The following TMEFF2 variants were observed in gnomAD, a reference collection of about 807,000 sequenced individuals.
The protein encoded by TMEFF2 is transmembrane protein with EGF like and two follistatin like domains 2, also known as tomoregulin-2.
Under a neutral mutation model 53.8 loss-of-function variants are expected in TMEFF2, and 28 were observed. That is an observed-to-expected ratio of 0.52 (90% CI 0.39 to 0.71). The LOEUF is 0.71. TMEFF2 is among the 30% of genes least tolerant of loss of function. The probability of loss-of-function intolerance (pLI) is 0.00; values close to 1 mark genes in which losing one functional copy is unlikely to be tolerated. For missense variants in TMEFF2, 353 were observed against 455.2 expected (o/e 0.78, Z 2.04); for synonymous variants, 162 against 166.3 (o/e 0.97, Z 0.20).
intron 4 of TMEFF2, among the ~76,000 whole-genome samples, chr2:192,072,851 C>T (rs1470742376): frequency 6.6e-6 from 1 of 151,812 alleles, no homozygotes; most frequent in East Asian, 1.9e-4. Flanking sequence ...GCATCATATT[C>T]ATTTTTTTCA....
chr2:192,179,760 C>T (rs1278336882), intron 3 of TMEFF2, 66 bp from the exon 4 acceptor site: 3 of 1,429,336 alleles, frequency 2.1e-6, no homozygotes, highest in Non-Finnish European at 1.9e-6. Context: ...TTTTTAAGCT[C>T]AAGTTTATTT....
chr2:192,055,501 G>T (rs771472807), intron 5 of TMEFF2, among the ~76,000 whole-genome samples: 5 of 152,038 alleles, frequency 3.3e-5, no homozygotes, highest in Non-Finnish European at 5.9e-5. Flanking sequence ...TTGGCTGGGC[G>T]TGGTAGCTCA....
intron 4 of TMEFF2, among the ~76,000 whole-genome samples, chr2:192,138,538 A>G (rs1690064152): frequency 6.6e-6 from 1 of 152,236 alleles, no homozygotes; most frequent in South Asian, 2.1e-4. Context: ...TACACATATG[A>G]TGCTGATGTT....
At chr2:192,148,098 T>C (rs1254646760) in intron 4 of TMEFF2, among the ~76,000 whole-genome samples, 1 of 151,984 alleles carries the variant, frequency 6.6e-6, no homozygotes, top group Admixed American at 6.6e-5. Context: ...AATGCTTACA[T>C]TTAGGTTGCA....
At chr2:191,975,176 C>A in intron 7 of TMEFF2, among the ~76,000 whole-genome samples, 1 of 146,526 alleles carries the variant, frequency 6.8e-6, no homozygotes, top group Admixed American at 6.9e-5. Context: ...GGAAATTCAC[C>A]AAAATTTGAC....
intron 5 of TMEFF2, among the ~76,000 whole-genome samples, chr2:191,999,906 T>A (rs1185747948): frequency 1.3e-5 from 2 of 152,036 alleles, no homozygotes; most frequent in Non-Finnish European, 2.9e-5. Context: ...CCTTCCGAGA[T>A]ATACACTACT....
At chr2:191,954,560 C>CA (rs1397338524) in intron 8 of TMEFF2, among the ~76,000 whole-genome samples, 1 of 152,074 alleles carries the variant, frequency 6.6e-6, no homozygotes, top group Non-Finnish European at 1.5e-5. Flanking sequence ...GACATGGGTA[C>CA]AAAAATTAGT....
Position 192,011,086 on chromosome 2 carries a change from A to C in TMEFF2, c.537-11878T>G, listed in dbSNP as rs576386454. Among the ~76,000 whole-genome samples the C allele has an allele frequency of 1.1e-4, 17 of 152,294 alleles. No individual in the cohort carries two copies. In the South Asian group the frequency reaches 3.5e-3, roughly 32 times the overall value. ...CATGGGTCTATGTATTTTTCACTAA[A>C]CTGTGTGAAGAAAACGGGTTGGAGA... On this transcript the variant is annotated intron_variant, in intron 5 of 9. Coordinates refer to ENST00000272771, the MANE Select transcript of TMEFF2 (RefSeq NM_016192.4).
At chr2:192,167,910 G>A (rs557078585) in intron 4 of TMEFF2, among the ~76,000 whole-genome samples, 1 of 152,228 alleles carries the variant, frequency 6.6e-6, no homozygotes, top group East Asian at 1.9e-4. Flanking sequence ...TGTATTCCTA[G>A]CAGTTCACAT....
chr2:192,048,361 A>ACACAC lies in TMEFF2; in HGVS notation c.536+9317_536+9318insGTGTG, dbSNP rs1687676470. Among the ~76,000 whole-genome samples, 938 of 143,254 alleles carry ACACAC rather than the reference A, an allele frequency of 6.5e-3. 27 individuals carry two copies. Among genetic ancestry groups the ACACAC allele is most frequent in the Admixed American group, 0.053 (757 of 14,288 alleles). 94.0% of individuals were successfully genotyped at this position (143,254 alleles called of 152,430 possible). On this transcript the variant is annotated intron_variant, in intron 5 of 9. Coordinates refer to ENST00000272771, the MANE Select transcript of TMEFF2 (RefSeq NM_016192.4). Reference sequence around the variant, plus strand: ...GTAAAATATTATTAGATTCTCATAAAACACACACACACACACACACACACA... The same window carrying ACACAC: ...GTAAAATATTATTAGATTCTCATAAACACACACACACACACACACACACACACACA...
At chr2:192,128,273 A>T (rs1041146294) in intron 4 of TMEFF2, among the ~76,000 whole-genome samples, 2 of 152,238 alleles carry the variant, frequency 1.3e-5, no homozygotes, top group Non-Finnish European at 2.9e-5. Flanking sequence ...CTTTTATACT[A>T]TGTAAGAATT....
At chr2:192,192,484 C>A (rs1267820571) in intron 1 of TMEFF2, among the ~76,000 whole-genome samples, 1 of 152,062 alleles carries the variant, frequency 6.6e-6, no homozygotes, top group Non-Finnish European at 1.5e-5. Context: ...GAAACAAAGC[C>A]TCAATAATAA....
At chr2:191,995,965 T>C (rs1483107303) in intron 7 of TMEFF2, among the ~76,000 whole-genome samples, 1 of 151,944 alleles carries the variant, frequency 6.6e-6, no homozygotes, top group East Asian at 1.9e-4. Context: ...AGAGTTTTCA[T>C]TTGCATGTAT....
Position 192,038,639 on chromosome 2 carries a change from C to T in TMEFF2, c.536+19040G>A, listed in dbSNP as rs1007405466. ...CCAGAGTAGCTGGGACTACAGATGT[C>T]CACCACCATGCCTGGCTAGGTGTTT... is the stretch of plus-strand genomic sequence containing the variant. On this transcript the variant is annotated intron_variant, in intron 5 of 9. Transcript: ENST00000272771. Among the ~76,000 whole-genome samples, 8 of 152,028 alleles carry T rather than the reference C, an allele frequency of 5.3e-5. No individual in the cohort carries two copies. In the East Asian group the frequency reaches 1.4e-3, roughly 26 times the overall value.
intron 5 of TMEFF2, among the ~76,000 whole-genome samples, chr2:192,022,154 A>G (rs921516259): frequency 3.9e-5 from 6 of 152,048 alleles, no homozygotes; most frequent in Non-Finnish European, 8.8e-5. Context: ...TGCTGCCTCA[A>G]GTTGTTGGTG....
At chr2:192,145,570 C>G (rs1316285998) in intron 4 of TMEFF2, among the ~76,000 whole-genome samples, 1 of 151,804 alleles carries the variant, frequency 6.6e-6, no homozygotes, top group Non-Finnish European at 1.5e-5. Flanking sequence ...AATGACAAAG[C>G]ATTCATCTTA....
At chr2:192,156,942 A>G (rs563802608) in intron 4 of TMEFF2, among the ~76,000 whole-genome samples, 20 of 152,172 alleles carry the variant, frequency 1.3e-4, no homozygotes, top group African/African-American at 4.8e-4. Context: ...TTGAGAGCCT[A>G]CTATCACTTA....
chr2:192,116,307 G>A (rs1391587291), intron 4 of TMEFF2, among the ~76,000 whole-genome samples: 1 of 151,972 alleles, frequency 6.6e-6, no homozygotes, highest in African/African-American at 2.4e-5. Context: ...AGCAGAGTGT[G>A]ATTACGGAGT....
intron 4 of TMEFF2, among the ~76,000 whole-genome samples, chr2:192,166,307 CTA>C (rs1306538342): frequency 1.3e-5 from 2 of 152,114 alleles, no homozygotes; most frequent in Non-Finnish European, 2.9e-5. Flanking sequence ...ATCGGAATGC[CTA>C]TGTTGCCATA....
Sources: allele counts gnomAD v4.1 joint callset (sites outside exome capture counted in the v4.1 genomes callset), GRCh38; gene constraint gnomAD v4.1.1; transcripts MANE v1.5; gene names NCBI Gene and HGNC (gene_info 2026-07-23, HGNC 2026-07-21).